Variants in ALDH2 observed in about 807,000 individuals in gnomAD.
ALDH2 encodes the protein aldehyde dehydrogenase, mitochondrial.
A neutral mutation model predicts 59.6 loss-of-function variants in ALDH2; 44 were observed. The observed-to-expected ratio is 0.74, with a 90% CI of 0.58 to 0.95. The LOEUF is 0.95. ALDH2 is among the 40% of genes least tolerant of loss of function. The pLI is 0.00. For synonymous variants in ALDH2, 291 were observed against 284.0 expected (o/e 1.02, Z -0.25); for missense variants, 570 against 696.3 (o/e 0.82, Z 2.04).
intron 3 of ALDH2, 46 bp downstream of exon 3, chr12:111,783,344 G>A (rs1057463609): frequency 2.7e-5 from 42 of 1,561,316 alleles, no homozygotes; most frequent in Non-Finnish European, 3.7e-5. Flanking sequence ...GTGGTGAATA[G>A]GCTCGCAGCA....
intron 6 of ALDH2, 42 bp from the exon 7 acceptor site, chr12:111,791,264 T>C: frequency 6.8e-7 from 1 of 1,472,938 alleles, no homozygotes; most frequent in Non-Finnish European, 9.5e-7. Context: ...CCCTTCAGAA[T>C]AGGAGGGTGA....
chr12:111,789,983 A>C, intron 5 of ALDH2, 49 bp downstream of exon 5: 2 of 1,564,328 alleles, frequency 1.3e-6, no homozygotes, highest in Non-Finnish European at 1.8e-6. Context: ...GAGATTTGGC[A>C]GTCTGCCAGA....
At chr12:111,779,632 C>T (rs2068257429) in intron 1 of ALDH2, among the ~76,000 whole-genome samples, 4 of 152,184 alleles carry the variant, frequency 2.6e-5, no homozygotes, top group African/African-American at 9.6e-5. Context: ...CACTGGAGTT[C>T]TAGGCCAGGG....
At chr12:111,774,570 T>G (rs751559491) in intron 1 of ALDH2, among the ~76,000 whole-genome samples, 1 of 152,168 alleles carries the variant, frequency 6.6e-6, no homozygotes, top group African/African-American at 2.4e-5. Flanking sequence ...AACTGAAATC[T>G]TTCTAGAATG....
At chr12:111,779,430 T>G (rs1031568959) in intron 1 of ALDH2, among the ~76,000 whole-genome samples, 1 of 152,112 alleles carries the variant, frequency 6.6e-6, no homozygotes, top group Non-Finnish European at 1.5e-5. Flanking sequence ...GCTCAAGCAA[T>G]TCTCATGCCT....
intron 8 of ALDH2, 135 bp downstream of exon 8, chr12:111,792,298 C>G (rs1409860960): frequency 2.7e-6 from 2 of 747,688 alleles, no homozygotes. Context: ...GATAAGACGC[C>G]AGCGCAGGGC....
intron 12 of ALDH2, among the ~76,000 whole-genome samples, chr12:111,808,657 A>G (rs1306215352): frequency 6.6e-6 from 1 of 152,036 alleles, no homozygotes; most frequent in Non-Finnish European, 1.5e-5. Flanking sequence ...GTGAGCCGAG[A>G]TTGCGCCACT....
At chr12:111,769,628 G>A (rs892044470) in intron 1 of ALDH2, among the ~76,000 whole-genome samples, 1 of 150,652 alleles carries the variant, frequency 6.6e-6, no homozygotes, top group East Asian at 1.9e-4. Flanking sequence ...GAAGCTCGCC[G>A]TCTCACTGAA....
Position 111,776,820 on chromosome 12 carries a change from G to A in ALDH2, c.115-5098G>A, listed in dbSNP as rs549944912. ...CTGCCTCAGCCTGTCGAGTAGCTGG[G>A]ATTACAGGCAAGTGACACCATGCCC... is the stretch of plus-strand genomic sequence containing the variant. On this transcript the variant is annotated intron_variant, in intron 1 of 12. Transcript: ENST00000261733. 6.6e-5 allele frequency among the ~76,000 whole-genome samples: 10 copies of A among 152,154 alleles called. No individual in the cohort carries two copies. The South Asian group carries it at 1.5e-3, about 22-fold the overall frequency.
intron 10 of ALDH2, among the ~76,000 whole-genome samples, chr12:111,799,642 A>T (rs1270469360): frequency 6.6e-6 from 1 of 152,142 alleles, no homozygotes; most frequent in East Asian, 1.9e-4. Flanking sequence ...TCTACGTGTC[A>T]CGTGTGAATA....
chr12:111,781,891 T>C, intron 1 of ALDH2, 27 bp from the exon 2 acceptor site: 1 of 1,575,188 alleles, frequency 6.3e-7, no homozygotes, highest in Non-Finnish European at 8.7e-7. Flanking sequence ...CAGCTGGTCC[T>C]GAGAACTTCT....
At chr12:111,769,661 T>C (rs749011157) in intron 1 of ALDH2, among the ~76,000 whole-genome samples, 3 of 152,034 alleles carry the variant, frequency 2.0e-5, no homozygotes, top group Non-Finnish European at 4.4e-5. Flanking sequence ...GTTATCATTC[T>C]GAGTACGTTC....
chr12:111,813,440 AG>A lies in ALDH2; in HGVS notation c.*3868del, dbSNP rs1216121781. 15 of 152,230 alleles carry A rather than the reference AG, an allele frequency of 9.9e-5. No homozygotes were observed. Among genetic ancestry groups the A allele is most frequent in the Admixed American group, 7.2e-4 (11 of 15,280 alleles). 9.4% of individuals were successfully genotyped at this position (152,230 alleles called of 1,614,324 possible). ...TGTACATTTGGCAGGCAGTGTAATG[AG>A]GGAATCAAAGACCAGGATCACATAC... On this transcript the variant is annotated 3_prime_UTR_variant, in exon 13 of 13. Transcript: ENST00000261733.
chr12:111,795,014 C>G (rs1470225439), intron 9 of ALDH2, among the ~76,000 whole-genome samples: 1 of 152,150 alleles, frequency 6.6e-6, no homozygotes, highest in Non-Finnish European at 1.5e-5. Context: ...CAGGCCCAGG[C>G]AACCACCAAT....
rs562395822 is a variant in ALDH2, at chr12:111,774,769, G to A, written c.115-7149G>A. 2.4e-4 allele frequency among the ~76,000 whole-genome samples: 37 copies of A among 152,088 alleles called. No individual in the cohort carries two copies. The East Asian group carries it at 5.6e-3, about 23-fold the overall frequency. On this transcript the variant is annotated intron_variant, in intron 1 of 12. Coordinates refer to ENST00000261733, the MANE Select transcript of ALDH2 (RefSeq NM_000690.4). Reference sequence around the variant, plus strand: ...CTCTCCTGGCCTTGGTCTGACCTCCGCCCCCAAGGTCCAGTTGTCCTGCTC... The same window carrying A: ...CTCTCCTGGCCTTGGTCTGACCTCCACCCCCAAGGTCCAGTTGTCCTGCTC...
chr12:111,796,774 C>T (rs2068407816), intron 9 of ALDH2, among the ~76,000 whole-genome samples: 1 of 151,706 alleles, frequency 6.6e-6, no homozygotes, highest in South Asian at 2.1e-4. Flanking sequence ...GGTGTGGTGG[C>T]ACACACCTGT....
Position 111,785,357 on chromosome 12 carries a change from A to G in ALDH2, c.440+11A>G, listed in dbSNP as rs367691794. On this transcript the variant is annotated intron_variant, in intron 4 of 12. Coordinates refer to ENST00000261733, the MANE Select transcript of ALDH2 (RefSeq NM_000690.4). ...CCTCAAATGTCTCCGGTATGGGCTC[A>G]GCTTTCCTGTTCTTTGTTCTGGCAG... The G allele has an allele frequency of 1.2e-5, 20 of 1,609,720 alleles. No homozygotes were observed. In the African/African-American group the frequency reaches 2.7e-4, roughly 22 times the overall value.
rs1249174518 is a variant in ALDH2, at chr12:111,799,941, G to C, written c.1284G>C (p.Lys428Asn). 2.5e-6 allele frequency: 4 copies of C among 1,613,938 alleles called. No individual in the cohort carries two copies. Among genetic ancestry groups the C allele is most frequent in the African/African-American group, 1.3e-5 (1 of 74,942 alleles). Residue 428 changes from lysine to asparagine, a missense_variant, in exon 11 of 13, where the codon AAG (lysine) becomes AAC (asparagine). Transcript: ENST00000261733. ...FGPVMQILKF[K>N]TIEEVVGRAN... ...CAGTGATGCAGATCCTGAAGTTCAA[G>C]ACCATAGAGGAGGTTGTTGGGAGAG...
chr12:111,766,975 C>T lies in ALDH2; in HGVS notation c.-8C>T. On this transcript the variant is annotated 5_prime_UTR_variant, in exon 1 of 13. Coordinates refer to ENST00000261733, the MANE Select transcript of ALDH2 (RefSeq NM_000690.4). ...CTCGGTCCGCTCGCTGTCCGCTAGC[C>T]CGCTGCGATGTTGCGCGCTGCCGCC... 1 of 1,521,096 alleles carries T rather than the reference C, an allele frequency of 6.6e-7. No individual in the cohort carries two copies. The highest frequency in any genetic ancestry group is 8.8e-7 in the Non-Finnish European group (1 of 1,141,048). 94.2% of individuals were successfully genotyped at this position (1,521,096 alleles called of 1,614,324 possible).
Sources: gnomAD v4.1 joint callset for allele counts (sites outside exome capture counted in the v4.1 genomes callset) on GRCh38, gnomAD v4.1.1 for gene constraint, MANE v1.5 for transcripts, NCBI Gene and HGNC (gene_info 2026-07-23, HGNC 2026-07-21) for gene names.